The following ITGAE variants were observed in gnomAD, a reference collection of about 807,000 sequenced individuals.
The protein encoded by ITGAE is integrin subunit alpha E.
In ITGAE, 99 loss-of-function variants were observed where a neutral mutation model predicts 136.5. That is an observed-to-expected ratio of 0.73 (90% CI 0.62 to 0.86). ITGAE has a LOEUF of 0.86. Ranked by LOEUF, ITGAE falls within the 40% of genes least tolerant of loss-of-function variation. The pLI is 0.00. For synonymous variants in ITGAE, 613 were observed against 591.8 expected (o/e 1.04, Z -0.52); for missense variants, 1,447 against 1,515.3 (o/e 0.95, Z 0.75).
Position 3,743,697 on chromosome 17 carries a change from CTTTTTTTCTTTTTT to C in ITGAE, c.2320-94_2320-81del, listed in dbSNP as rs1238996268. ...CAACAATAATGCTTTTTTTCTTTTT[CTTTTTTTCTTTTTT>C]TTTTTTTTTGAGATGGAGTCTTGCT... is the stretch of plus-strand genomic sequence containing the variant. On this transcript the variant is annotated intron_variant, in intron 18 of 30. Transcript: ENST00000263087. The C allele has an allele frequency of 6.6e-5, 80 of 1,212,332 alleles. No individual in the cohort carries two copies. The Admixed American group carries it at 1.9e-3, about 29-fold the overall frequency. The allele number at this position is 1,212,332 out of a possible 1,614,324, so 75.1% of individuals were successfully genotyped here. A position where few individuals can be genotyped will look rare whatever the true frequency, so the allele number is the denominator to read the frequency against.
chr17:3,795,816 C>A (rs1490516925), intron 1 of ITGAE, among the ~76,000 whole-genome samples: 2 of 146,960 alleles, frequency 1.4e-5, no homozygotes, highest in African/African-American at 5.1e-5. Context: ...TGTGTGCATC[C>A]GTGTGCATCC....
rs757846390 is a variant in ITGAE at position 3,716,711 on chromosome 17, C to T, written c.3421G>A (p.Val1141Met). The change falls in exon 30 of 31, where the codon GTG becomes ATG. Residue 1141 changes from valine to methionine, a missense_variant. By Grantham distance (21) the Val-to-Met change is conservative (BLOSUM62 1). This residue lies in a region of ITGAE where 1,031 missense variants were observed against 1,011.4 expected (regional missense o/e 1.02). Coordinates refer to ENST00000263087, the MANE Select transcript of ITGAE (RefSeq NM_002208.5). ...GSVGGLLVLIVILVILFKCGF... is the reference protein window; with the variant it reads ...GSVGGLLVLIMILVILFKCGF... ...ACCTTGAACAGGATGACCAGAATCA[C>T]GATCAACACCAGAAGTCCACCAACG... The T allele has an allele frequency of 1.7e-5, 27 of 1,602,554 alleles. No homozygotes were observed. The highest frequency in any genetic ancestry group is 2.2e-5 in the East Asian group (1 of 44,804).
chr17:3,754,213 C>T (rs1486076571), intron 12 of ITGAE, among the ~76,000 whole-genome samples: 1 of 152,138 alleles, frequency 6.6e-6, no homozygotes, highest in Non-Finnish European at 1.5e-5. Flanking sequence ...CCCACACACA[C>T]CCTAGGAGGA....
At chr17:3,764,048 C>A (rs1005348176) in intron 2 of ITGAE, 88 bp from the exon 3 acceptor site, 5 of 893,898 alleles carry the variant, frequency 5.6e-6, no homozygotes, top group Non-Finnish European at 8.8e-6. Flanking sequence ...ATTCCAGTTG[C>A]CTGCACTCAC....
chr17:3,796,454 C>A (rs539270193), intron 1 of ITGAE, among the ~76,000 whole-genome samples: 1 of 152,244 alleles, frequency 6.6e-6, no homozygotes, highest in Admixed American at 6.5e-5. Flanking sequence ...CTTGGCACCT[C>A]GCTTCCGTCT....
chr17:3,751,891 C>T lies in ITGAE; in HGVS notation c.1669-17G>A, dbSNP rs372888849. 1 of 1,605,284 alleles carries T rather than the reference C, an allele frequency of 6.2e-7. No individual in the cohort carries two copies. Among genetic ancestry groups the T allele is most frequent in the African/African-American group, 1.3e-5 (1 of 74,870 alleles). On this transcript the variant is annotated splice_polypyrimidine_tract_variant and intron_variant, in intron 14 of 30. Transcript: ENST00000263087. ...AGAACCATCCTGTAAAGCAAACAAACAGCTCAGCCCTCAAGAAGGGGTGCT... is the reference window on the plus strand; with the variant it reads ...AGAACCATCCTGTAAAGCAAACAAATAGCTCAGCCCTCAAGAAGGGGTGCT...
chr17:3,786,294 T>G (rs2052796635), intron 1 of ITGAE, among the ~76,000 whole-genome samples: 1 of 152,044 alleles, frequency 6.6e-6, no homozygotes, highest in Admixed American at 6.6e-5. Flanking sequence ...AAAAGAAATG[T>G]ATCACCTGAG....
At position 3,786,060 on chromosome 17, in the gene ITGAE, G is replaced by A. The variant is rs1043907460; in HGVS notation, c.35-8400C>T. Among the ~76,000 whole-genome samples, 10 of 151,578 alleles carry A rather than the reference G, an allele frequency of 6.6e-5. No homozygotes were observed. The South Asian group carries it at 1.3e-3, about 19-fold the overall frequency. ...CGGGCGCCTGTAGTCCCAGCTACTC[G>A]GGAGGCTGAGGCAGGAGAATGGCGT... On this transcript the variant is annotated intron_variant, in intron 1 of 30. Coordinates refer to ENST00000263087, the MANE Select transcript of ITGAE (RefSeq NM_002208.5).
rs1489424777 is a variant in ITGAE at position 3,766,838 on chromosome 17, AATAATAAT to A, written c.156-2886_156-2879del. 5.7e-4 allele frequency among the ~76,000 whole-genome samples: 69 copies of A among 120,056 alleles called. No homozygotes were observed. In the South Asian group the frequency reaches 8.4e-3, roughly 15 times the overall value. The allele number at this position is 120,056 out of a possible 152,430, so 78.8% of individuals were successfully genotyped here. On this transcript the variant is annotated intron_variant, in intron 2 of 30. Transcript: ENST00000263087. ...TAATAATAATAATAATAATAATAAT[AATAATAAT>A]AAACCTGTGTTGTTGTAAGCCACTA...
chr17:3,757,212 C>G (rs2052049568), intron 9 of ITGAE, 78 bp from the exon 10 acceptor site: 2 of 1,522,004 alleles, frequency 1.3e-6, no homozygotes, highest in Non-Finnish European at 1.8e-6. Context: ...GCCCCTCCAT[C>G]TGGCCTCTGG....
chr17:3,770,791 C>T (rs984922396), intron 2 of ITGAE, among the ~76,000 whole-genome samples: 1 of 152,146 alleles, frequency 6.6e-6, no homozygotes, highest in Non-Finnish European at 1.5e-5. Context: ...CTGGTGGACT[C>T]AGAGCCCTCT....
intron 12 of ITGAE, among the ~76,000 whole-genome samples, chr17:3,754,254 C>T (rs1029607610): frequency 2.0e-5 from 3 of 152,044 alleles, no homozygotes; most frequent in African/African-American, 7.3e-5. Flanking sequence ...ACGCCCACCA[C>T]TATTATTATT....
chr17:3,755,101 G>GTGGCCCCGCCCTCATCAGT lies in ITGAE; in HGVS notation c.1384+15_1384+16insACTGATGAGGGCGGGGCCA. On this transcript the variant is annotated intron_variant, in intron 12 of 30. Transcript: ENST00000263087. Reference sequence around the variant, plus strand: ...CATCAGGTGGCCCCGCCCTCATCAGGTGGCCCCGCCCTCACCCAGGTAGCT... The same window carrying GTGGCCCCGCCCTCATCAGT: ...CATCAGGTGGCCCCGCCCTCATCAGGTGGCCCCGCCCTCATCAGTTGGCCCCGCCCTCACCCAGGTAGCT... The GTGGCCCCGCCCTCATCAGT allele has an allele frequency of 6.3e-7, 1 of 1,576,750 alleles. No individual in the cohort carries two copies. The highest frequency in any genetic ancestry group is 2.3e-5 in the East Asian group (1 of 42,634).
chr17:3,780,147 G>GT (rs1021599014), intron 1 of ITGAE, among the ~76,000 whole-genome samples: 1 of 147,360 alleles, frequency 6.8e-6, no homozygotes. Flanking sequence ...CTAATTTTTG[G>GT]TTTTTTTGTT....
At chr17:3,762,864 G>A (rs2143128393) in intron 3 of ITGAE, among the ~76,000 whole-genome samples, 1 of 150,758 alleles carries the variant, frequency 6.6e-6, no homozygotes, top group South Asian at 2.1e-4. Context: ...CTCCCAAAGT[G>A]TTGGGATTAC....
intron 2 of ITGAE, among the ~76,000 whole-genome samples, chr17:3,772,380 G>A (rs973460703): frequency 2.0e-5 from 3 of 151,656 alleles, no homozygotes; most frequent in Non-Finnish European, 4.4e-5. Flanking sequence ...CACTGAGTAA[G>A]TGCTCCATCC....
chr17:3,753,989 C>A, intron 12 of ITGAE, 64 bp from the exon 13 acceptor site: 1 of 1,564,446 alleles, frequency 6.4e-7, no homozygotes, highest in East Asian at 2.3e-5. Flanking sequence ...TCTCTTGGCC[C>A]CGGCACCTTC....
chr17:3,777,478 C>A, intron 2 of ITGAE, 62 bp downstream of exon 2: 1 of 1,544,138 alleles, frequency 6.5e-7, no homozygotes. Flanking sequence ...TCTCTGGGGC[C>A]CATCTCAGAT....
intron 19 of ITGAE, among the ~76,000 whole-genome samples, chr17:3,741,957 A>G (rs548719798): frequency 6.6e-6 from 1 of 152,268 alleles, no homozygotes; most frequent in African/African-American, 2.4e-5. Flanking sequence ...CATGCCTGTA[A>G]TCCCAGCTAC....
Sources: allele counts gnomAD v4.1 joint callset (sites outside exome capture counted in the v4.1 genomes callset), GRCh38; gene constraint gnomAD v4.1.1; regional missense constraint gnomAD v4.1.1; transcripts MANE v1.5; gene names NCBI Gene and HGNC (gene_info 2026-07-23, HGNC 2026-07-21).